The following EPHB2 variants were observed in gnomAD, a reference collection of about 807,000 sequenced individuals.
The protein encoded by EPHB2 is ephrin type-B receptor 2.
Under a neutral mutation model 96.4 loss-of-function variants are expected in EPHB2, and 18 were observed. That is an observed-to-expected ratio of 0.19 (90% CI 0.13 to 0.28). The LOEUF (loss-of-function observed/expected upper bound fraction) is 0.28. Ranked by LOEUF, EPHB2 falls within the 10% of genes least tolerant of loss-of-function variation. The pLI, the probability that EPHB2 is intolerant of heterozygous loss-of-function variation, is 1.00. For missense variants in EPHB2, 989 were observed against 1,355.4 expected, an observed-to-expected ratio of 0.73 and a Z score of 4.25; for synonymous variants, 506 against 534.1, an observed-to-expected ratio of 0.95 and a Z score of 0.72.
intron 3 of EPHB2, among the ~76,000 whole-genome samples, chr1:22,840,965 TC>T (rs1406016153): frequency 6.6e-6 from 1 of 152,132 alleles, no homozygotes. Flanking sequence ...GTGGTCTGAC[TC>T]CCAAAGCCAC....
rs893118615 is a variant in EPHB2, at chr1:22,875,052, A to G, written c.1304-7307A>G. On this transcript the variant is annotated intron_variant, in intron 5 of 15. Coordinates refer to ENST00000374630, the MANE Select transcript of EPHB2 (RefSeq NM_017449.5). This position sits in a 1 kb window ranked among gnomAD's most constrained non-coding sequence, Gnocchi z 4.2. ...CTGCGTTCCTCAAACTTTCTTAGCC[A>G]CAGAATACGCAGTGCCACCCTAGCA... Among the ~76,000 whole-genome samples the G allele has an allele frequency of 3.3e-5, 5 of 152,172 alleles. No homozygotes were observed. The highest frequency in any genetic ancestry group is 2.6e-4 in the Admixed American group (4 of 15,282).
chr1:22,770,140 T>C (rs1238272837), intron 1 of EPHB2, among the ~76,000 whole-genome samples: 1 of 151,854 alleles, frequency 6.6e-6, no homozygotes, highest in South Asian at 2.1e-4. Flanking sequence ...GGTAAGTGAA[T>C]GGATGGGTAC....
chr1:22,815,049 C>G (rs552660254), intron 3 of EPHB2, among the ~76,000 whole-genome samples: 31 of 152,312 alleles, frequency 2.0e-4, no homozygotes, highest in Admixed American at 6.5e-4. Flanking sequence ...CCATAGAGGC[C>G]TTTCCTGAGA....
intron 6 of EPHB2, among the ~76,000 whole-genome samples, chr1:22,884,379 A>ATG (rs1639155034): frequency 6.6e-6 from 1 of 151,272 alleles, no homozygotes; most frequent in African/African-American, 2.4e-5. Context: ...GGTGGCGCAC[A>ATG]CCTGTAATCC....
chr1:22,894,703 T>G (rs567928130), intron 7 of EPHB2, among the ~76,000 whole-genome samples: 1 of 152,320 alleles, frequency 6.6e-6, no homozygotes, highest in South Asian at 2.1e-4. Flanking sequence ...GTGTATCTTC[T>G]GCATTCTTCC....
intron 7 of EPHB2, 43 bp downstream of exon 7, chr1:22,893,089 A>G: frequency 6.2e-7 from 1 of 1,613,806 alleles, no homozygotes; most frequent in Non-Finnish European, 8.5e-7. Context: ...CAGACTCCAC[A>G]AACAGAACAA....
At chr1:22,849,481 G>A (rs1203273452) in intron 3 of EPHB2, among the ~76,000 whole-genome samples, 4 of 152,270 alleles carry the variant, frequency 2.6e-5, no homozygotes, top group East Asian at 1.9e-4. Flanking sequence ...CCAGAACCGA[G>A]CAGTCTATGT....
intron 3 of EPHB2, among the ~76,000 whole-genome samples, chr1:22,853,437 C>G (rs1645653782): frequency 6.6e-6 from 1 of 152,230 alleles, no homozygotes; most frequent in African/African-American, 2.4e-5. Context: ...CTCACAGCCT[C>G]CTAGGAGAGG....
At chr1:22,864,034 CTTTTTTTTTTTTTTT>C (rs201727615) in intron 4 of EPHB2, among the ~76,000 whole-genome samples, 1 of 131,158 alleles carries the variant, frequency 7.6e-6, no homozygotes. Flanking sequence ...AGTTTCTGTT[CTTTTTTTTTTTTTTT>C]TTTTTTTTTG....
chr1:22,894,255 G>A (rs1639482337), intron 7 of EPHB2, among the ~76,000 whole-genome samples: 1 of 152,178 alleles, frequency 6.6e-6, no homozygotes, highest in Non-Finnish European at 1.5e-5. Context: ...AGGTCCCAGA[G>A]CGCGTCCCTG....
chr1:22,783,514 G>C (rs986279171), intron 2 of EPHB2, among the ~76,000 whole-genome samples: 2 of 152,186 alleles, frequency 1.3e-5, no homozygotes, highest in African/African-American at 4.8e-5. Context: ...CGGGAAAGTT[G>C]GTGAATGCAA....
chr1:22,807,321 C>T (rs566580782), intron 3 of EPHB2, among the ~76,000 whole-genome samples: 6 of 152,088 alleles, frequency 3.9e-5, no homozygotes, highest in South Asian at 2.1e-4. Context: ...TATGTTAGGG[C>T]GCTTGCTAGA....
chr1:22,840,128 CCTCT>C (rs1016033108), intron 3 of EPHB2, among the ~76,000 whole-genome samples: 2 of 152,118 alleles, frequency 1.3e-5, no homozygotes, highest in African/African-American at 4.8e-5. Context: ...TGTCATGCAG[CCTCT>C]CTCTAAGCCT....
At chr1:22,908,966 A>C in intron 12 of EPHB2, 56 bp from the exon 13 acceptor site, 1 of 1,609,972 alleles carries the variant, frequency 6.2e-7, no homozygotes, top group Non-Finnish European at 8.5e-7. Flanking sequence ...GGATTAAGAG[A>C]AGAGGTCAGA....
chr1:22,715,845 G>A (rs1259724338), intron 1 of EPHB2, among the ~76,000 whole-genome samples: 1 of 152,224 alleles, frequency 6.6e-6, no homozygotes, highest in African/African-American at 2.4e-5. Flanking sequence ...AATCCCAGCT[G>A]TGTGCTCTGG....
intron 3 of EPHB2, among the ~76,000 whole-genome samples, chr1:22,811,688 G>A (rs1645004214): frequency 6.6e-6 from 1 of 152,168 alleles, no homozygotes; most frequent in Non-Finnish European, 1.5e-5. Flanking sequence ...AGTTCTTTCG[G>A]ACCATGTACA....
intron 3 of EPHB2, among the ~76,000 whole-genome samples, chr1:22,855,321 G>A (rs1014273165): frequency 3.3e-5 from 5 of 152,192 alleles, no homozygotes; most frequent in African/African-American, 4.8e-5. Context: ...ACTTCCTAGA[G>A]ATTCCAAGGC....
At chr1:22,835,825 C>G (rs934592367) in intron 3 of EPHB2, 1 of 152,252 alleles carries the variant, frequency 6.6e-6, no homozygotes, top group Non-Finnish European at 1.5e-5. Flanking sequence ...GTCTTCGTAG[C>G]CAGCGGGTGC....
chr1:22,781,375 C>T (rs1436108872), intron 1 of EPHB2, 46 bp from the exon 2 acceptor site: 7 of 1,584,018 alleles, frequency 4.4e-6, no homozygotes, highest in East Asian at 2.2e-5. Context: ...AGATTGACAG[C>T]GCCTGGTAGG....
Sources: gnomAD v4.1 joint callset for allele counts (sites outside exome capture counted in the v4.1 genomes callset) on GRCh38, gnomAD v4.1.1 for gene constraint, Gnocchi (gnomAD v3.1) non-coding constraint, MANE v1.5 for transcripts, NCBI Gene and HGNC (gene_info 2026-07-23, HGNC 2026-07-21) for gene names.